The following UBE2F variants were observed in gnomAD, a reference collection of about 807,000 sequenced individuals.
The protein encoded by UBE2F is ubiquitin conjugating enzyme E2 F (putative), also known as NEDD8-conjugating enzyme UBE2F.
In UBE2F, 5 loss-of-function variants were observed where a neutral mutation model predicts 29.6. The ratio of observed to expected loss-of-function variants is 0.17; its 90% CI spans 0.09 to 0.36. The LOEUF is 0.36. UBE2F is among the 10% of genes least tolerant of loss of function. The pLI is 1.00. For missense variants in UBE2F, 141 were observed against 228.5 expected (o/e 0.62, Z 2.47); for synonymous variants, 66 against 81.8 (o/e 0.81, Z 1.04).
intron 1 of UBE2F, among the ~76,000 whole-genome samples, chr2:237,972,626 C>T (rs1446925): frequency 0.069 from 9,950 of 144,900 alleles, 650 homozygotes; most frequent in East Asian, 0.29. Flanking sequence ...TCACGGCTCA[C>T]GGTATCCCCA....
At chr2:238,026,733 G>A (rs966866175) in intron 6 of UBE2F, among the ~76,000 whole-genome samples, 13 of 152,028 alleles carry the variant, frequency 8.6e-5, no homozygotes, top group Admixed American at 5.9e-4. Flanking sequence ...GCGCCGGGCC[G>A]GATGCCTTTC....
chr2:237,999,070 T>C (rs1357820734), intron 4 of UBE2F, among the ~76,000 whole-genome samples: 1 of 152,108 alleles, frequency 6.6e-6, no homozygotes, highest in Admixed American at 6.5e-5. Flanking sequence ...AGGAGGAATT[T>C]CTTTTATTTA....
At chr2:237,973,738 A>C in intron 2 of UBE2F, 1 of 1,268,208 alleles carries the variant, frequency 7.9e-7, no homozygotes. Flanking sequence ...GACTTCTGCT[A>C]TCCATGTTGG....
At chr2:237,991,671 C>T (rs140738672) in intron 3 of UBE2F, among the ~76,000 whole-genome samples, 2,566 of 128,220 alleles carry the variant, frequency 0.02, 46 homozygotes, top group East Asian at 0.11. Flanking sequence ...GGCGCGATCT[C>T]GGCTCACTGC....
chr2:238,025,600 C>T (rs539266270), intron 6 of UBE2F, among the ~76,000 whole-genome samples, 188 bp downstream of exon 6: 6 of 152,290 alleles, frequency 3.9e-5, no homozygotes, highest in East Asian at 1.9e-4. Context: ...TGCCTCCAGA[C>T]GAGTGTCTTC....
At chr2:238,005,003 C>T (rs532916868) in intron 4 of UBE2F, among the ~76,000 whole-genome samples, 1 of 152,154 alleles carries the variant, frequency 6.6e-6, no homozygotes, top group African/African-American at 2.4e-5. Flanking sequence ...CTCTTGCCAA[C>T]TTCATGATCT....
intron 1 of UBE2F, among the ~76,000 whole-genome samples, chr2:237,969,470 G>A (rs2063128353): frequency 6.6e-6 from 1 of 152,188 alleles, no homozygotes; most frequent in South Asian, 2.1e-4. Context: ...CTGAACTCAT[G>A]TTCAAGCAGT....
chr2:238,030,427 C>A (rs932329921), intron 6 of UBE2F, 129 bp from the exon 7 acceptor site: 1 of 643,724 alleles, frequency 1.6e-6, no homozygotes, highest in Non-Finnish European at 2.8e-6. Context: ...AACTGAGAAG[C>A]CACAGAGGAA....
At chr2:238,010,055 T>G (rs1485589985) in intron 4 of UBE2F, among the ~76,000 whole-genome samples, 2 of 152,248 alleles carry the variant, frequency 1.3e-5, no homozygotes, top group Non-Finnish European at 2.9e-5. Flanking sequence ...TTCATTCCAC[T>G]TGTTCCCTTG....
chr2:238,019,650 CA>C (rs1356743684), intron 5 of UBE2F, among the ~76,000 whole-genome samples: 1 of 62,536 alleles, frequency 1.6e-5, no homozygotes, highest in African/African-American at 7.9e-5. Flanking sequence ...CCACTGTGCT[CA>C]GCCTTTTTTT....
At chr2:238,023,399 A>G (rs182791987) in intron 5 of UBE2F, among the ~76,000 whole-genome samples, 1 of 152,378 alleles carries the variant, frequency 6.6e-6, no homozygotes, top group East Asian at 1.9e-4. Flanking sequence ...CAGTCAGTTT[A>G]ATCAGTTTTT....
At chr2:237,974,865 T>G (rs2063230819) in intron 2 of UBE2F, among the ~76,000 whole-genome samples, 1 of 151,968 alleles carries the variant, frequency 6.6e-6, no homozygotes, top group South Asian at 2.1e-4. Flanking sequence ...GCCAGGCTAG[T>G]CTTGAACTCC....
At chr2:238,039,590 A>G (rs960436805) in intron 9 of UBE2F, among the ~76,000 whole-genome samples, 2 of 152,208 alleles carry the variant, frequency 1.3e-5, no homozygotes, top group African/African-American at 4.8e-5. Context: ...AATCACCATG[A>G]TTGAGTAGCC....
intron 4 of UBE2F, among the ~76,000 whole-genome samples, chr2:238,003,773 A>T (rs2063845293): frequency 6.6e-6 from 1 of 152,160 alleles, no homozygotes; most frequent in South Asian, 2.1e-4. Flanking sequence ...AGTGGGCTAT[A>T]ATTTACATAC....
intron 7 of UBE2F, 99 bp from the exon 8 acceptor site, chr2:238,032,123 G>C (rs1310646217): frequency 1.1e-6 from 1 of 884,494 alleles, no homozygotes; most frequent in African/African-American, 1.7e-5. Flanking sequence ...GCTAAAGACA[G>C]GTTTTGATAC....
chr2:237,973,960 T>C (rs1411958092), intron 2 of UBE2F, among the ~76,000 whole-genome samples: 2 of 152,224 alleles, frequency 1.3e-5, no homozygotes, highest in African/African-American at 2.4e-5. Context: ...AAGGAGATTA[T>C]AATTTGCTTA....
chr2:238,020,562 G>C (rs544285810), intron 5 of UBE2F, among the ~76,000 whole-genome samples: 3 of 152,304 alleles, frequency 2.0e-5, no homozygotes, highest in African/African-American at 7.2e-5. Flanking sequence ...GTGAAGGTCT[G>C]TTATTAAGAC....
rs530670375 is a variant in UBE2F, at chr2:237,986,016, G to A, written c.119-1947G>A. ...GGAGATATGTCTATTCATGTTTTTT[G>A]CCCATTTTTAATTTTTTTTTGCTAT... On this transcript the variant is annotated intron_variant, in intron 2 of 9. Coordinates refer to ENST00000272930, the MANE Select transcript of UBE2F (RefSeq NM_080678.3). The A allele has an allele frequency of 2.3e-5, 5 of 213,302 alleles. No individual in the cohort carries two copies. In the East Asian group the frequency reaches 5.5e-4, roughly 23 times the overall value. The allele number at this position is 213,302 out of a possible 1,614,324, so 13.2% of individuals were successfully genotyped here.
At chr2:237,981,413 G>A (rs13420590) in intron 2 of UBE2F, among the ~76,000 whole-genome samples, 3,757 of 152,112 alleles carry the variant, frequency 0.025, 157 homozygotes, top group African/African-American at 0.086. Context: ...AAAATGCCAA[G>A]CATCTTTATT....
Sources: gnomAD v4.1 joint callset for allele counts (sites outside exome capture counted in the v4.1 genomes callset) on GRCh38, gnomAD v4.1.1 for gene constraint, MANE v1.5 for transcripts, NCBI Gene and HGNC (gene_info 2026-07-23, HGNC 2026-07-21) for gene names.